Variants in HHAT observed in about 807,000 individuals in gnomAD.
HHAT encodes the protein protein-cysteine N-palmitoyltransferase HHAT.
A neutral mutation model predicts 70.8 loss-of-function variants in HHAT; 47 were observed. The observed-to-expected ratio is 0.66, with a 90% CI of 0.53 to 0.85. The LOEUF is 0.85. Ranked by LOEUF, HHAT falls within the 40% of genes least tolerant of loss-of-function variation. The probability of loss-of-function intolerance (pLI) is 0.00; values close to 1 mark genes in which losing one functional copy is unlikely to be tolerated. For missense variants in HHAT, 609 were observed against 604.8 expected (o/e 1.01, Z -0.07); for synonymous variants, 228 against 247.6 (o/e 0.92, Z 0.74).
intron 9 of HHAT, among the ~76,000 whole-genome samples, chr1:210,575,667 A>G (rs538391433): frequency 5.9e-5 from 9 of 152,324 alleles, no homozygotes; most frequent in Non-Finnish European, 1.0e-4. Flanking sequence ...ATGACATCTT[A>G]AAAAGTGCTT....
At chr1:210,643,010 G>T (rs1355577861) in intron 11 of HHAT, among the ~76,000 whole-genome samples, 1 of 152,104 alleles carries the variant, frequency 6.6e-6, no homozygotes, top group African/African-American at 2.4e-5. Context: ...AATATGTTTA[G>T]TATTAATTTT....
intron 9 of HHAT, among the ~76,000 whole-genome samples, chr1:210,542,954 C>G (rs1028464312): frequency 6.6e-6 from 1 of 152,142 alleles, no homozygotes. Flanking sequence ...GATCTCAGAG[C>G]TGTTTGCCAA....
chr1:210,405,766 G>C (rs2092305183), intron 6 of HHAT, among the ~76,000 whole-genome samples: 2 of 152,126 alleles, frequency 1.3e-5, no homozygotes. Context: ...TATATCTCTA[G>C]AAATCTGTAA....
At chr1:210,673,632 C>T (rs900666580) in intron 11 of HHAT, among the ~76,000 whole-genome samples, 3 of 151,262 alleles carry the variant, frequency 2.0e-5, no homozygotes, top group Non-Finnish European at 4.4e-5. Flanking sequence ...AACTCTGTGG[C>T]CCAAGCTGGA....
At chr1:210,448,371 T>C (rs1020841636) in intron 7 of HHAT, among the ~76,000 whole-genome samples, 3 of 152,198 alleles carry the variant, frequency 2.0e-5, no homozygotes, top group African/African-American at 7.2e-5. Context: ...CGTGAGCCAC[T>C]GCACCCAGCA....
chr1:210,519,489 T>C (rs989918273), intron 9 of HHAT, among the ~76,000 whole-genome samples: 3 of 151,728 alleles, frequency 2.0e-5, no homozygotes, highest in African/African-American at 7.3e-5. Flanking sequence ...ATGTAAAGAG[T>C]TCCTTTATCT....
At chr1:210,656,501 C>T (rs1378417154) in intron 11 of HHAT, among the ~76,000 whole-genome samples, 1 of 152,160 alleles carries the variant, frequency 6.6e-6, no homozygotes, top group African/African-American at 2.4e-5. Context: ...GCCAGGCAGC[C>T]GTGCTCATCC....
chr1:210,568,802 G>A (rs182627270), intron 9 of HHAT, among the ~76,000 whole-genome samples: 26 of 152,282 alleles, frequency 1.7e-4, no homozygotes, highest in African/African-American at 5.5e-4. Flanking sequence ...GTTCTAGGAA[G>A]TCAGCATGAA....
chr1:210,342,839 A>G lies in HHAT; in HGVS notation c.-43-6094A>G, dbSNP rs75473970. 1.2e-4 allele frequency among the ~76,000 whole-genome samples: 18 copies of G among 152,312 alleles called. No individual in the cohort carries two copies. The East Asian group carries it at 3.5e-3, about 29-fold the overall frequency. On this transcript the variant is annotated intron_variant, in intron 1 of 11. Coordinates refer to ENST00000261458, the MANE Select transcript of HHAT (RefSeq NM_018194.6). ...TAAAAAGGTTCCAGTTATATTCCCA[A>G]ATATATAGTTTTCCTTTTCTTTTAC...
chr1:210,497,153 C>T (rs7548180), intron 8 of HHAT, among the ~76,000 whole-genome samples: 97,991 of 151,964 alleles, frequency 0.64, 31,698 homozygotes, highest in Middle Eastern at 0.72. Flanking sequence ...ACTTTTATAT[C>T]TTGAGAATAG....
rs187624156 is a variant in HHAT, at chr1:210,633,242, G to A, written c.1390+9572G>A. Among the ~76,000 whole-genome samples the A allele has an allele frequency of 1.3e-3, 199 of 152,332 alleles. 2 individuals are homozygous for A. The highest frequency in any genetic ancestry group is 8.5e-3 in the East Asian group (44 of 5,178). ...GAAACAGTTCATGAGTCCAGCAGCT[G>A]GAGGGCCAGAAACGCCCACTTCAAA... On this transcript the variant is annotated intron_variant, in intron 11 of 11. Transcript: ENST00000261458.
rs1330144438 is a variant in HHAT, at chr1:210,557,674, T to C, written c.1044-30224T>C. On this transcript the variant is annotated intron_variant, in intron 9 of 11. Coordinates refer to ENST00000261458, the MANE Select transcript of HHAT (RefSeq NM_018194.6). ...AGGAAGAAGCAAAAGCGGAAACCCCTGATAAACTATCAGATCTCATGAGAC... is the reference window on the plus strand; with the variant it reads ...AGGAAGAAGCAAAAGCGGAAACCCCCGATAAACTATCAGATCTCATGAGAC... Among the ~76,000 whole-genome samples, 2 of 152,272 alleles carry C rather than the reference T, an allele frequency of 1.3e-5. 1 individual carries two copies. Among genetic ancestry groups the C allele is most frequent in the South Asian group, 4.1e-4 (2 of 4,830 alleles).
chr1:210,355,549 A>G (rs1047673734), intron 2 of HHAT, among the ~76,000 whole-genome samples: 3 of 152,188 alleles, frequency 2.0e-5, no homozygotes, highest in African/African-American at 7.2e-5. Context: ...ATTCATTCCT[A>G]TTACAAACCT....
intron 8 of HHAT, among the ~76,000 whole-genome samples, chr1:210,466,882 G>A (rs1337613559): frequency 6.6e-6 from 1 of 152,046 alleles, no homozygotes; most frequent in Non-Finnish European, 1.5e-5. Flanking sequence ...TCATATAGTT[G>A]AGACCCCAGG....
chr1:210,666,497 A>AT (rs1396730415), intron 11 of HHAT, among the ~76,000 whole-genome samples: 1 of 151,752 alleles, frequency 6.6e-6, no homozygotes, highest in African/African-American at 2.4e-5. Context: ...TTTATTACAT[A>AT]TTTTTTTTAG....
At chr1:210,349,874 C>T (rs551199438) in intron 2 of HHAT, among the ~76,000 whole-genome samples, 262 of 152,292 alleles carry the variant, frequency 1.7e-3, no homozygotes, top group South Asian at 1.0e-2. Flanking sequence ...TGATCTCAAA[C>T]TCCTGACCTC....
intron 2 of HHAT, among the ~76,000 whole-genome samples, chr1:210,353,680 C>G (rs1426660058): frequency 6.6e-6 from 1 of 151,994 alleles, no homozygotes; most frequent in African/African-American, 2.4e-5. Context: ...TCTGCATCAT[C>G]TTCACTCCCT....
intron 8 of HHAT, among the ~76,000 whole-genome samples, chr1:210,510,932 A>G (rs1473479878): frequency 6.6e-6 from 1 of 152,144 alleles, no homozygotes; most frequent in Non-Finnish European, 1.5e-5. Flanking sequence ...TCTGTCGCTA[A>G]TGTAATTGAA....
chr1:210,640,623 G>A (rs1183672232), intron 11 of HHAT, among the ~76,000 whole-genome samples: 2 of 152,024 alleles, frequency 1.3e-5, no homozygotes, highest in African/African-American at 4.8e-5. Flanking sequence ...CCCTAACATG[G>A]AACTGTATTC....
Sources: allele counts gnomAD v4.1 joint callset (sites outside exome capture counted in the v4.1 genomes callset), GRCh38; gene constraint gnomAD v4.1.1; transcripts MANE v1.5; gene names NCBI Gene and HGNC (gene_info 2026-07-23, HGNC 2026-07-21).